USP38: variants seen among roughly 807,000 people sequenced by gnomAD.
USP38 encodes the protein ubiquitin specific peptidase 38, also known as ubiquitin carboxyl-terminal hydrolase 38.
A neutral mutation model predicts 94.3 loss-of-function variants in USP38; 49 were observed. The observed-to-expected ratio is 0.52, with a 90% confidence interval of 0.41 to 0.66. USP38 has a LOEUF of 0.66. USP38 is among the 30% of genes least tolerant of loss of function. The pLI, the probability that USP38 is intolerant of heterozygous loss-of-function variation, is 0.00. For synonymous variants in USP38, 468 were observed against 463.6 expected, an observed-to-expected ratio of 1.01 and a Z score of -0.12; for missense variants, 1,128 against 1,229.4, an observed-to-expected ratio of 0.92 and a Z score of 1.23.
chr4:143,216,726 T>C (rs944570471), intron 9 of USP38, among the ~76,000 whole-genome samples: 42 of 152,112 alleles, frequency 2.8e-4, no homozygotes, highest in African/African-American at 9.4e-4. Context: ...TCCTCCCTCC[T>C]CGGCCTCCCA....
At chr4:143,200,298 A>G (rs567493854) in intron 4 of USP38, among the ~76,000 whole-genome samples, 22 of 152,318 alleles carry the variant, frequency 1.4e-4, no homozygotes, top group Admixed American at 5.9e-4. Flanking sequence ...GGTTATATCA[A>G]TGGATGCAGA....
At chr4:143,188,795 G>A (rs1224970200) in intron 2 of USP38, among the ~76,000 whole-genome samples, 1 of 151,958 alleles carries the variant, frequency 6.6e-6, no homozygotes, top group Non-Finnish European at 1.5e-5. Flanking sequence ...TTCTAGTTGG[G>A]GAGGCAGACA....
chr4:143,204,258 G>T (rs1029410400), intron 5 of USP38, among the ~76,000 whole-genome samples: 6 of 152,140 alleles, frequency 3.9e-5, no homozygotes, highest in African/African-American at 1.4e-4. Flanking sequence ...GGGATTACAG[G>T]CGTGAGCCAC....
At chr4:143,216,278 A>C (rs1171766499) in intron 9 of USP38, among the ~76,000 whole-genome samples, 1 of 152,090 alleles carries the variant, frequency 6.6e-6, no homozygotes, top group Non-Finnish European at 1.5e-5. Context: ...AGCATTATGT[A>C]TTTTGTTAAT....
At chr4:143,204,287 TA>T in intron 5 of USP38, 1 of 396,224 alleles carries the variant, frequency 2.5e-6, no homozygotes, top group East Asian at 7.7e-5. Context: ...GCCTCTTTTT[TA>T]ATTCTATTTT....
chr4:143,193,006 C>G (rs995503820), intron 2 of USP38, among the ~76,000 whole-genome samples: 2 of 152,164 alleles, frequency 1.3e-5, no homozygotes, highest in Non-Finnish European at 2.9e-5. Context: ...TCAGTACTCT[C>G]TTTAGACTGG....
At chr4:143,189,169 T>C (rs1480989921) in intron 2 of USP38, among the ~76,000 whole-genome samples, 1 of 152,008 alleles carries the variant, frequency 6.6e-6, no homozygotes, top group East Asian at 1.9e-4. Flanking sequence ...GGATGTGAAG[T>C]AGCAAACCTG....
At chr4:143,200,118 T>C (rs985965024) in intron 4 of USP38, among the ~76,000 whole-genome samples, 1 of 152,024 alleles carries the variant, frequency 6.6e-6, no homozygotes, top group East Asian at 1.9e-4. Flanking sequence ...TTAAGTCTTA[T>C]CCTTGATGTA....
chr4:143,219,633 C>CT (rs1319690004), intron 9 of USP38, among the ~76,000 whole-genome samples: 1 of 152,060 alleles, frequency 6.6e-6, no homozygotes. Context: ...GAATATTTTG[C>CT]ATATTTTTCC....
intron 2 of USP38, among the ~76,000 whole-genome samples, chr4:143,192,758 G>A (rs1453880238): frequency 6.6e-6 from 1 of 151,886 alleles, no homozygotes; most frequent in African/African-American, 2.4e-5. Context: ...TTTAACATAC[G>A]AATTTTGGAG....
intron 5 of USP38, among the ~76,000 whole-genome samples, chr4:143,204,937 T>A (rs146449843): frequency 1.3e-5 from 2 of 152,312 alleles, no homozygotes; most frequent in East Asian, 3.9e-4. Context: ...ATTAACTAAA[T>A]CAAACTTATT....
intron 6 of USP38, 126 bp from the exon 7 acceptor site, chr4:143,209,438 T>G: frequency 3.7e-6 from 2 of 539,618 alleles, no homozygotes; most frequent in Non-Finnish European, 3.1e-6. Flanking sequence ...TTCGGTGAGC[T>G]GAGATTGTGC....
chr4:143,201,272 A>G (rs928046510), intron 4 of USP38, among the ~76,000 whole-genome samples: 1 of 152,210 alleles, frequency 6.6e-6, no homozygotes, highest in Non-Finnish European at 1.5e-5. Flanking sequence ...CAAAACAAGC[A>G]ATGGGGAAAA....
Position 143,220,578 on chromosome 4 carries a change from C to A in USP38, c.*122C>A. On this transcript the variant is annotated 3_prime_UTR_variant, in exon 10 of 10. Coordinates refer to ENST00000307017, the MANE Select transcript of USP38 (RefSeq NM_032557.6). ...TAGACCCTTATACTTCAAGAGAACA[C>A]ACTCAGTGCTTGTTTTTATTTTCTT... 1.1e-6 allele frequency: 1 copy of A among 950,148 alleles called. No individual in the cohort carries two copies. Among genetic ancestry groups the A allele is most frequent in the Non-Finnish European group, 1.4e-6 (1 of 710,690 alleles). 58.9% of individuals were successfully genotyped at this position (950,148 alleles called of 1,614,324 possible).
chr4:143,214,854 C>A lies in USP38; in HGVS notation c.2878C>A (p.Pro960Thr), dbSNP rs1732139737. ...TACTAATGGTTTAAGTGGTAATAAC[C>A]CAACCAGTGGACTCTGGATAAATGG... The part of the protein sequence containing the change: ...HSTNGLSGNN[P>T]TSGLWINGDP... The change falls in exon 9 of 10, where the codon CCA becomes ACA. Residue 960 changes from proline (P) to threonine (T), a missense_variant. Pro to Thr is a conservative substitution (Grantham distance 38). Coordinates refer to ENST00000307017, the MANE Select transcript of USP38 (RefSeq NM_032557.6). 8.1e-6 allele frequency: 13 copies of A among 1,613,442 alleles called. No homozygotes were observed. The highest frequency in any genetic ancestry group is 1.1e-5 in the Non-Finnish European group (13 of 1,179,668).
chr4:143,203,603 G>A (rs986063377), intron 5 of USP38, 37 bp downstream of exon 5: 18 of 1,579,090 alleles, frequency 1.1e-5, no homozygotes, highest in Middle Eastern at 4.1e-4. Flanking sequence ...GTGGAGTTGT[G>A]TTATATTAAT....
intron 9 of USP38, 117 bp downstream of exon 9, chr4:143,215,060 T>G: frequency 1.0e-6 from 1 of 1,000,064 alleles, no homozygotes; most frequent in Non-Finnish European, 1.4e-6. Context: ...AATATAGGTC[T>G]GGATTTACAT....
chr4:143,201,724 A>AG (rs554903458), intron 4 of USP38, among the ~76,000 whole-genome samples: 2 of 152,196 alleles, frequency 1.3e-5, no homozygotes, highest in Admixed American at 6.5e-5. Context: ...TATGGCAGAT[A>AG]GGAATAATGG....
rs1361198228 is a variant in USP38, at chr4:143,212,414, C to T, written c.1594C>T (p.Leu532Phe). The change falls in exon 8 of 10, where the codon CTC becomes TTC. Residue 532 changes from leucine (L) to phenylalanine (F), a missense_variant. Transcript: ENST00000307017. Reference sequence around the variant, plus strand: ...AGACTGTTCTGAATACCTCAGATTTCTCCTTGACAGGTAAAAAGTATTCTT... The same window carrying T: ...AGACTGTTCTGAATACCTCAGATTTTTCCTTGACAGGTAAAAAGTATTCTT... ...QQDCSEYLRF[L>F]LDRLHEEEKI... 6.3e-7 allele frequency: 1 copy of T among 1,594,604 alleles called. No homozygotes were observed. Among genetic ancestry groups the T allele is most frequent in the East Asian group, 2.3e-5 (1 of 43,864 alleles).
Sources: allele counts gnomAD v4.1 joint callset (sites outside exome capture counted in the v4.1 genomes callset), GRCh38; gene constraint gnomAD v4.1.1; transcripts MANE v1.5; gene names NCBI Gene and HGNC (gene_info 2026-07-23, HGNC 2026-07-21).